TMCO6: variants seen among roughly 807,000 people sequenced by gnomAD.
TMCO6 encodes transmembrane and coiled-coil domains 6, also known as transmembrane and coiled-coil domain-containing protein 6.
In TMCO6, 47 loss-of-function variants were observed where a neutral mutation model predicts 61.8. That is an observed-to-expected ratio of 0.76 (90% confidence interval 0.60 to 0.97). The LOEUF (loss-of-function observed/expected upper bound fraction) is 0.97, where lower values mean the gene tolerates loss of function less well. TMCO6 is among the 50% of genes least tolerant of loss of function. The probability of loss-of-function intolerance (pLI) is 0.00; values close to 1 mark genes in which losing one functional copy is unlikely to be tolerated. For synonymous variants in TMCO6, 261 were observed against 254.2 expected (o/e 1.03, Z -0.25); for missense variants, 557 against 601.6 (o/e 0.93, Z 0.78).
At chr5:140,610,066 A>G in the TMCO6 span, among the ~76,000 whole-genome samples, 1 of 151,296 alleles carries the variant, frequency 6.6e-6, no homozygotes, top group Non-Finnish European at 1.5e-5. Context: ...TGGTAGGAAC[A>G]GTCTGGGCAC....
At chr5:140,647,393 T>C (rs1368614655), downstream of TMCO6, 1 of 1,611,116 alleles carries the variant, frequency 6.2e-7, no homozygotes, top group Non-Finnish European at 8.5e-7. Flanking sequence ...CCGCGCGTGC[T>C]GTGGGCGGGG....
the TMCO6 span, among the ~76,000 whole-genome samples, chr5:140,630,248 T>C: frequency 6.6e-6 from 1 of 151,828 alleles, no homozygotes; most frequent in African/African-American, 2.4e-5. Flanking sequence ...CACCTCAGCC[T>C]CCCAAAGTGC....
At chr5:140,615,639 C>T in the TMCO6 span, among the ~76,000 whole-genome samples, 8 of 152,108 alleles carry the variant, frequency 5.3e-5, no homozygotes, top group African/African-American at 9.7e-5. Flanking sequence ...AATAAGCCCT[C>T]ACATATGTGG....
chr5:140,619,460 C>G, the TMCO6 span, among the ~76,000 whole-genome samples: 1 of 152,120 alleles, frequency 6.6e-6, no homozygotes, highest in Non-Finnish European at 1.5e-5. Context: ...TACAATGGTC[C>G]CCAGTAAAAC....
At position 140,642,535 on chromosome 5, in the gene TMCO6, A is replaced by C. The variant is rs375279046; in HGVS notation, c.604-51A>C. ...TGTGCCAAGGGGCTGAAAGTCTCTGAAGACCTGATGACCCAGCTTCCAGTC... is the reference window on the plus strand; with the variant it reads ...TGTGCCAAGGGGCTGAAAGTCTCTGCAGACCTGATGACCCAGCTTCCAGTC... On this transcript the variant is annotated intron_variant, in intron 5 of 11. Transcript: ENST00000394671. 4.3e-5 allele frequency: 70 copies of C among 1,610,192 alleles called. No homozygotes were observed. In the African/African-American group the frequency reaches 7.7e-4, roughly 18 times the overall value.
Position 140,645,187 on chromosome 5 carries a change from A to T in TMCO6, c.*89A>T. The T allele has an allele frequency of 7.5e-7, 1 of 1,340,576 alleles. No individual in the cohort carries two copies. Among genetic ancestry groups the T allele is most frequent in the Non-Finnish European group, 1.1e-6 (1 of 945,850 alleles). 83.0% of individuals were successfully genotyped at this position (1,340,576 alleles called of 1,614,324 possible). On this transcript the variant is annotated 3_prime_UTR_variant, in exon 12 of 12. Coordinates refer to ENST00000394671, the MANE Select transcript of TMCO6 (RefSeq NM_018502.5). The stretch of plus-strand genomic sequence containing the variant: ...CCTTTGGAGATTTAGGACCATAATG[A>T]GGTCTCATGTTCTCTGCTCCCACAC...
At chr5:140,616,518 C>T in the TMCO6 span, among the ~76,000 whole-genome samples, 37 of 151,654 alleles carry the variant, frequency 2.4e-4, no homozygotes, top group African/African-American at 8.0e-4. Context: ...GCTATGATCA[C>T]GCCACTGCAC....
chr5:140,643,129 C>G, intron 7 of TMCO6, 88 bp downstream of exon 7: 1 of 1,570,364 alleles, frequency 6.4e-7, no homozygotes, highest in Non-Finnish European at 8.7e-7. Flanking sequence ...TCTGGAATTG[C>G]TATAGTGAGT....
At chr5:140,629,949 A>AG in the TMCO6 span, among the ~76,000 whole-genome samples, 1 of 145,874 alleles carries the variant, frequency 6.9e-6, no homozygotes, top group Non-Finnish European at 1.5e-5. Context: ...AAAAAAAAAA[A>AG]GGATAGTCAA....
At chr5:140,643,210 T>C (rs1244463191) in intron 7 of TMCO6, among the ~76,000 whole-genome samples, 169 bp downstream of exon 7, 1 of 152,196 alleles carries the variant, frequency 6.6e-6, no homozygotes, top group East Asian at 1.9e-4. Context: ...TCTCTTTTTT[T>C]TTGAGACAGT....
the TMCO6 span, among the ~76,000 whole-genome samples, chr5:140,603,528 A>T: frequency 6.6e-5 from 10 of 152,082 alleles, no homozygotes; most frequent in Non-Finnish European, 1.5e-4. Context: ...GGTTGGTCTC[A>T]AACTCCTGAC....
At chr5:140,642,442 G>A in intron 5 of TMCO6, 23 bp downstream of exon 5, 1 of 1,609,806 alleles carries the variant, frequency 6.2e-7, no homozygotes. Flanking sequence ...TTCCTCCCTG[G>A]GCAACCCTTC....
In TMCO6 at chr5:140,645,263, C is replaced by G; in HGVS notation, c.*165C>G. On this transcript the variant is annotated 3_prime_UTR_variant, in exon 12 of 12. Transcript: ENST00000394671. ...CTCCTCCCCTTCCACTCAGCACTATCCAGGCAGGAGGACCAAAAGGGACTC... is the reference window on the plus strand; with the variant it reads ...CTCCTCCCCTTCCACTCAGCACTATGCAGGCAGGAGGACCAAAAGGGACTC... 1 of 760,252 alleles carries G rather than the reference C, an allele frequency of 1.3e-6. No homozygotes were observed. Among genetic ancestry groups the G allele is most frequent in the Non-Finnish European group, 2.2e-6 (1 of 459,242 alleles). The allele number at this position is 760,252 out of a possible 1,614,324, so 47.1% of individuals were successfully genotyped here.
In TMCO6 at chr5:140,639,757, G is replaced by C; in HGVS notation, c.104G>C (p.Arg35Thr). ...EREAALRKAR[R>T]EQQLVSKRLL... ...CCCCCAGCACTGCGGAAGGCGCGGAGGGAGCAGCAGCTGGTCAGCAAGAGG... is the reference window on the plus strand; with the variant it reads ...CCCCCAGCACTGCGGAAGGCGCGGACGGAGCAGCAGCTGGTCAGCAAGAGG... The change falls in exon 2 of 12, where the codon AGG becomes ACG. Residue 35 changes from arginine to threonine, a missense_variant. Coordinates refer to ENST00000394671, the MANE Select transcript of TMCO6 (RefSeq NM_018502.5). 6.2e-7 allele frequency: 1 copy of C among 1,601,228 alleles called. No individual in the cohort carries two copies. The highest frequency in any genetic ancestry group is 8.5e-7 in the Non-Finnish European group (1 of 1,174,974).
chr5:140,599,258 C>T, the TMCO6 span, among the ~76,000 whole-genome samples: 1 of 152,238 alleles, frequency 6.6e-6, no homozygotes, highest in Admixed American at 6.5e-5. Flanking sequence ...AATTCACTCA[C>T]TGGTGCCAAT....
At chr5:140,624,536 G>A in the TMCO6 span, among the ~76,000 whole-genome samples, 1 of 152,022 alleles carries the variant, frequency 6.6e-6, no homozygotes, top group Non-Finnish European at 1.5e-5. Flanking sequence ...CCACTTCTAA[G>A]CAACCACAAA....
chr5:140,626,123 C>A, the TMCO6 span, among the ~76,000 whole-genome samples: 16 of 152,126 alleles, frequency 1.1e-4, no homozygotes, highest in Non-Finnish European at 2.9e-5. Context: ...TGATGGCTCC[C>A]AAATTCTTAT....
At chr5:140,619,856 C>T in the TMCO6 span, among the ~76,000 whole-genome samples, 8 of 152,306 alleles carry the variant, frequency 5.3e-5, no homozygotes, top group Admixed American at 3.9e-4. Flanking sequence ...CACTACACAC[C>T]TTTTAGAATG....
At chr5:140,646,005 CT>C (rs1161046912), downstream of TMCO6, among the ~76,000 whole-genome samples, 1 of 141,890 alleles carries the variant, frequency 7.0e-6, no homozygotes, top group Non-Finnish European at 1.5e-5. Flanking sequence ...AGCCCATTCT[CT>C]CTCTTTTTTT....
Sources: gnomAD v4.1 joint callset for allele counts (sites outside exome capture counted in the v4.1 genomes callset) on GRCh38, gnomAD v4.1.1 for gene constraint, MANE v1.5 for transcripts, NCBI Gene and HGNC (gene_info 2026-07-23, HGNC 2026-07-21) for gene names.